The following ROBO2 variants were observed in gnomAD, a reference collection of about 807,000 sequenced individuals.
ROBO2 encodes the protein roundabout guidance receptor 2, also known as roundabout homolog 2.
Under a neutral mutation model 160.8 loss-of-function variants are expected in ROBO2, and 53 were observed. The ratio of observed to expected loss-of-function variants is 0.33; its 90% CI spans 0.26 to 0.41. The LOEUF (loss-of-function observed/expected upper bound fraction) is 0.41. Ranked by LOEUF, ROBO2 falls within the 10% of genes least tolerant of loss-of-function variation. ROBO2 has a pLI of 1.00. For synonymous variants in ROBO2, 664 were observed against 611.7 expected (o/e 1.09, Z -1.26); for missense variants, 1,577 against 1,722.4 (o/e 0.92, Z 1.49).
intron 2 of ROBO2, among the ~76,000 whole-genome samples, chr3:77,370,618 T>TG (rs2071607551): frequency 6.6e-6 from 1 of 152,238 alleles, no homozygotes; most frequent in African/African-American, 2.4e-5. Flanking sequence ...CACGGCCACA[T>TG]GCCAGGTCTG....
rs544942743 is a variant in ROBO2 at position 77,454,236 on chromosome 3, A to G, written c.389-23178A>G. 1.2e-4 allele frequency among the ~76,000 whole-genome samples: 18 copies of G among 152,154 alleles called. No individual in the cohort carries two copies. The East Asian group carries it at 2.9e-3, about 25-fold the overall frequency. ...TTTTAATGGTTACTGTTGTTTACCA[A>G]TATAAACAAGATTGTGTTTGAGAAA... On this transcript the variant is annotated intron_variant, in intron 2 of 25. Coordinates refer to ENST00000461745, the Ensembl canonical transcript of ROBO2.
At chr3:77,617,831 A>G in intron 22 of ROBO2, 58 bp downstream of exon 23, 1 of 1,583,152 alleles carries the variant, frequency 6.3e-7, no homozygotes, top group Non-Finnish European at 8.6e-7. Flanking sequence ...AATTTTTTTC[A>G]GAATAAATTC....
chr3:77,361,944 C>T (rs537640614), intron 2 of ROBO2, among the ~76,000 whole-genome samples: 1 of 152,166 alleles, frequency 6.6e-6, no homozygotes, highest in South Asian at 2.1e-4. Flanking sequence ...ATGTCAGGTC[C>T]TAAGGGATGA....
chr3:76,053,305 A>G (rs2067716865), intron 2 of ROBO2, among the ~76,000 whole-genome samples: 1 of 152,080 alleles, frequency 6.6e-6, no homozygotes, highest in African/African-American at 2.4e-5. Flanking sequence ...TAGAGCTTTG[A>G]GAAGTGCAAT....
At chr3:76,687,590 G>T (rs1022716818) in intron 2 of ROBO2, among the ~76,000 whole-genome samples, 5 of 151,864 alleles carry the variant, frequency 3.3e-5, no homozygotes, top group Non-Finnish European at 7.4e-5. Context: ...ACAGCCCCTG[G>T]AGACATCCTT....
chr3:77,638,016 C>A (rs187064882), intron 24 of ROBO2, among the ~76,000 whole-genome samples: 105 of 152,240 alleles, frequency 6.9e-4, no homozygotes, highest in African/African-American at 2.5e-3. Context: ...AGTGATATAG[C>A]AAAGGAAATT....
intron 2 of ROBO2, among the ~76,000 whole-genome samples, chr3:76,023,609 C>T (rs1189557528): frequency 6.6e-6 from 1 of 151,450 alleles, no homozygotes; most frequent in South Asian, 2.1e-4. Context: ...GCCCCACAAA[C>T]AATTACAATA....
intron 2 of ROBO2, among the ~76,000 whole-genome samples, chr3:76,705,584 A>G (rs1301024046): frequency 6.6e-6 from 1 of 152,162 alleles, no homozygotes; most frequent in Non-Finnish European, 1.5e-5. Context: ...CAGTTTCAGT[A>G]GAATCATTGG....
intron 22 of ROBO2, among the ~76,000 whole-genome samples, chr3:77,621,626 C>A (rs2094901925): frequency 6.6e-6 from 1 of 152,096 alleles, no homozygotes. Flanking sequence ...GAGACAGATA[C>A]ATAAATAGCT....
intron 7 of ROBO2, among the ~76,000 whole-genome samples, chr3:77,550,330 G>C (rs1346372679): frequency 6.6e-6 from 1 of 151,998 alleles, no homozygotes; most frequent in Non-Finnish European, 1.5e-5. Context: ...ACAACTTTGG[G>C]AGAAATTCAG....
rs183550690 is a variant in ROBO2, at chr3:76,546,014, A to C, written c.110-552000A>C. Among the ~76,000 whole-genome samples, 159 of 152,012 alleles carry C rather than the reference A, an allele frequency of 1.0e-3. 1 individual carries two copies. The highest frequency in any genetic ancestry group is 3.7e-3 in the African/African-American group (154 of 41,544). On this transcript the variant is annotated intron_variant, in intron 2 of 26. Coordinates refer to the ROBO2 transcript ENST00000487694. Reference sequence around the variant, plus strand: ...TTGTTCCTGACTTTTCACTAGAATTAAGTGACAATGGCTAAGTTCCCATCC... The same window carrying C: ...TTGTTCCTGACTTTTCACTAGAATTCAGTGACAATGGCTAAGTTCCCATCC...
At chr3:76,777,094 G>T (rs974439143) in intron 2 of ROBO2, among the ~76,000 whole-genome samples, 1 of 151,050 alleles carries the variant, frequency 6.6e-6, no homozygotes, top group South Asian at 2.1e-4. Context: ...ACATAAAGGA[G>T]TCTGCACTAC....
chr3:77,525,752 A>G (rs1270418449), intron 6 of ROBO2, among the ~76,000 whole-genome samples: 2 of 150,050 alleles, frequency 1.3e-5, no homozygotes, highest in Non-Finnish European at 3.0e-5. Flanking sequence ...AATACATTTT[A>G]TTTGTTTAAA....
intron 2 of ROBO2, among the ~76,000 whole-genome samples, chr3:77,361,998 A>G (rs1358962596): frequency 2.0e-5 from 3 of 152,180 alleles, no homozygotes; most frequent in African/African-American, 7.2e-5. Context: ...TTATAACTTA[A>G]CGGAGAAGAA....
chr3:76,723,535 A>G (rs1348267297), intron 2 of ROBO2, among the ~76,000 whole-genome samples: 1 of 152,158 alleles, frequency 6.6e-6, no homozygotes, highest in Non-Finnish European at 1.5e-5. Context: ...TGGAACTGCC[A>G]TTCTCCCAGC....
At position 75,968,701 on chromosome 3, in the gene ROBO2, G is replaced by A. The variant is rs574311121; in HGVS notation, c.109+31099G>A. On this transcript the variant is annotated intron_variant, in intron 2 of 26. Transcript: ENST00000487694. The stretch of plus-strand genomic sequence containing the variant: ...TACAACTTACTCATCCTACATGACT[G>A]CCAGTTTGTACCCTTTGATCTGCTT... 2.0e-5 allele frequency among the ~76,000 whole-genome samples: 3 copies of A among 151,568 alleles called. 1 individual carries two copies. The South Asian group carries it at 6.2e-4, about 31-fold the overall frequency.
At chr3:76,512,314 A>ATG (rs2081134654) in intron 2 of ROBO2, among the ~76,000 whole-genome samples, 2 of 105,356 alleles carry the variant, frequency 1.9e-5, no homozygotes, top group East Asian at 6.5e-4. Flanking sequence ...AAATTTATAT[A>ATG]TATATATGTA....
chr3:77,324,706 T>TG (rs2065188054), intron 2 of ROBO2, among the ~76,000 whole-genome samples: 1 of 144,558 alleles, frequency 6.9e-6, no homozygotes, highest in Non-Finnish European at 1.5e-5. Context: ...GGCGTGAACC[T>TG]GGGAGGCGGA....
At chr3:77,248,178 A>G (rs1222552287) in intron 2 of ROBO2, among the ~76,000 whole-genome samples, 1 of 152,122 alleles carries the variant, frequency 6.6e-6, no homozygotes, top group African/African-American at 2.4e-5. Flanking sequence ...CTCTAGAGGA[A>G]GATCACCTTC....
Sources: allele counts gnomAD v4.1 joint callset (sites outside exome capture counted in the v4.1 genomes callset), GRCh38; gene constraint gnomAD v4.1.1; transcripts MANE v1.5; gene names NCBI Gene and HGNC (gene_info 2026-07-23, HGNC 2026-07-21).